Variants in ROBO1 observed in about 807,000 individuals in gnomAD.
The protein encoded by ROBO1 is roundabout guidance receptor 1, also known as roundabout homolog 1.
ROBO1 carries 149 observed loss-of-function variants against 195.9 expected under a neutral mutation model. The ratio of observed to expected loss-of-function variants is 0.76; its 90% CI spans 0.67 to 0.87. ROBO1 has a LOEUF of 0.87. ROBO1 is among the 40% of genes least tolerant of loss of function. The pLI, the probability that ROBO1 is intolerant of heterozygous loss-of-function variation, is 0.00. For missense variants in ROBO1, 1,933 were observed against 2,068.3 expected, an observed-to-expected ratio of 0.93 and a Z score of 1.27; for synonymous variants, 816 against 733.2, an observed-to-expected ratio of 1.11 and a Z score of -1.82.
At chr3:79,097,282 T>C (rs1336392756) in intron 3 of ROBO1, among the ~76,000 whole-genome samples, 2 of 151,868 alleles carry the variant, frequency 1.3e-5, no homozygotes, top group East Asian at 3.9e-4. Flanking sequence ...AGACAAGCTT[T>C]GCATTTGTAA....
intron 2 of ROBO1, among the ~76,000 whole-genome samples, chr3:79,356,949 G>A (rs2035581018): frequency 6.6e-6 from 1 of 152,060 alleles, no homozygotes; most frequent in East Asian, 1.9e-4. Flanking sequence ...CTGTTCCTGG[G>A]AACTTAAATT....
chr3:79,723,484 C>T (rs1021996910), intron 1 of ROBO1, among the ~76,000 whole-genome samples: 2 of 152,052 alleles, frequency 1.3e-5, no homozygotes, highest in East Asian at 3.9e-4. Context: ...TCCCAAAATC[C>T]TCAAGATAAA....
intron 3 of ROBO1, among the ~76,000 whole-genome samples, chr3:79,058,217 T>C (rs1336659110): frequency 4.6e-5 from 7 of 152,108 alleles, no homozygotes; most frequent in Admixed American, 1.3e-4. Context: ...ATGAGTCATA[T>C]GGTTTAGTAA....
At chr3:79,491,781 ACTTT>A (rs914126548) in intron 2 of ROBO1, among the ~76,000 whole-genome samples, 2 of 134,970 alleles carry the variant, frequency 1.5e-5, no homozygotes, top group Non-Finnish European at 3.2e-5. Context: ...ATTTAATCTG[ACTTT>A]TTTTTTTTTT....
intron 22 of ROBO1, among the ~76,000 whole-genome samples, 186 bp downstream of exon 22, chr3:78,639,558 A>G (rs1705791438): frequency 1.3e-5 from 2 of 152,346 alleles, no homozygotes; most frequent in South Asian, 4.1e-4. Flanking sequence ...GGTGGACTTT[A>G]GCAAAGTATG....
intron 1 of ROBO1, among the ~76,000 whole-genome samples, chr3:79,604,805 C>A (rs896853903): frequency 1.4e-4 from 21 of 151,896 alleles, no homozygotes; most frequent in African/African-American, 5.1e-4. Flanking sequence ...TTTGTTCAAG[C>A]CAATTTTCTC....
chr3:79,460,487 G>A (rs1404373307), intron 2 of ROBO1, among the ~76,000 whole-genome samples: 2 of 152,162 alleles, frequency 1.3e-5, no homozygotes, highest in Non-Finnish European at 2.9e-5. Context: ...TAGCCACAGT[G>A]AGGAATAAAC....
chr3:79,141,543 G>A (rs2080525973), intron 2 of ROBO1, among the ~76,000 whole-genome samples: 1 of 148,344 alleles, frequency 6.7e-6, no homozygotes, highest in Non-Finnish European at 1.5e-5. Context: ...CAGTGTGAGA[G>A]TGGCAATGGT....
rs548962010 is a variant in ROBO1 at position 78,679,020 on chromosome 3, T to A, written c.1342+6726A>T. Among the ~76,000 whole-genome samples the A allele has an allele frequency of 1.7e-3, 258 of 152,248 alleles. 2 individuals are homozygous for A. The highest frequency in any genetic ancestry group is 6.0e-3 in the African/African-American group (249 of 41,526). On this transcript the variant is annotated intron_variant, in intron 10 of 30. Coordinates refer to ENST00000464233, the MANE Select transcript of ROBO1 (RefSeq NM_002941.4). ...TCCCTGGGATGCAAGGCTGGTTCAA[T>A]ATATGCAAATCAATAAATGTAATCC...
At chr3:79,626,215 G>A (rs1229592955) in intron 1 of ROBO1, among the ~76,000 whole-genome samples, 1 of 152,182 alleles carries the variant, frequency 6.6e-6, no homozygotes, top group Admixed American at 6.5e-5. Flanking sequence ...GAGAGGCTGA[G>A]GTGGGTGGAT....
At chr3:79,716,506 C>G (rs570160744) in intron 1 of ROBO1, among the ~76,000 whole-genome samples, 2 of 151,696 alleles carry the variant, frequency 1.3e-5, no homozygotes, top group African/African-American at 2.4e-5. Context: ...ATATTTTTCA[C>G]TAATTTATTT....
At chr3:79,204,001 G>A (rs2081817092) in intron 2 of ROBO1, among the ~76,000 whole-genome samples, 1 of 152,070 alleles carries the variant, frequency 6.6e-6, no homozygotes, top group Non-Finnish European at 1.5e-5. Flanking sequence ...TTGAGTGCAT[G>A]TGTTTTAATA....
At chr3:79,594,642 T>C (rs959906897) in intron 1 of ROBO1, among the ~76,000 whole-genome samples, 1 of 151,986 alleles carries the variant, frequency 6.6e-6, no homozygotes, top group Non-Finnish European at 1.5e-5. Flanking sequence ...TTGACTTATA[T>C]CAAACAATTT....
chr3:79,237,660 T>C (rs2082436832), intron 2 of ROBO1, among the ~76,000 whole-genome samples: 1 of 152,148 alleles, frequency 6.6e-6, no homozygotes, highest in African/African-American at 2.4e-5. Flanking sequence ...GCGGTCACTC[T>C]ATCCGAGTCA....
At chr3:78,785,841 C>G (rs1333983440) in intron 4 of ROBO1, among the ~76,000 whole-genome samples, 1 of 152,146 alleles carries the variant, frequency 6.6e-6, no homozygotes, top group Non-Finnish European at 1.5e-5. Flanking sequence ...ACACCCTCTT[C>G]AAATCATGGA....
intron 2 of ROBO1, among the ~76,000 whole-genome samples, chr3:79,142,386 A>T (rs2080546069): frequency 6.6e-6 from 1 of 152,166 alleles, no homozygotes; most frequent in South Asian, 2.1e-4. Context: ...TTCTTCTGGG[A>T]GTCAAGTGAG....
chr3:78,616,026 T>C (rs1372613128), intron 27 of ROBO1, among the ~76,000 whole-genome samples: 3 of 152,122 alleles, frequency 2.0e-5, no homozygotes, highest in African/African-American at 7.2e-5. Flanking sequence ...ATGGAGACTA[T>C]TACAATTAAA....
At chr3:79,478,021 C>T (rs1348358280) in intron 2 of ROBO1, among the ~76,000 whole-genome samples, 1 of 152,002 alleles carries the variant, frequency 6.6e-6, no homozygotes, top group African/African-American at 2.4e-5. Context: ...CATGTTTTCC[C>T]TTCTTCATTT....
chr3:79,216,681 T>G (rs2082060772), intron 2 of ROBO1, among the ~76,000 whole-genome samples: 1 of 152,050 alleles, frequency 6.6e-6, no homozygotes, highest in African/African-American at 2.4e-5. Context: ...TTTTTTGAAG[T>G]CTCTCTAAAG....
Sources: allele counts gnomAD v4.1 joint callset (sites outside exome capture counted in the v4.1 genomes callset), GRCh38; gene constraint gnomAD v4.1.1; transcripts MANE v1.5; gene names NCBI Gene and HGNC (gene_info 2026-07-23, HGNC 2026-07-21).